Variants in DGKB observed in about 807,000 individuals in gnomAD.
The protein encoded by DGKB is 90 kDa diacylglycerol kinase.
DGKB carries 67 observed loss-of-function variants against 114.3 expected under a neutral mutation model. The observed-to-expected ratio is 0.59, with a 90% CI of 0.48 to 0.72. The LOEUF (loss-of-function observed/expected upper bound fraction) is 0.72. Among genes scored for constraint, DGKB ranks in the 30% least tolerant of loss-of-function variants. DGKB has a pLI of 0.00. For synonymous variants in DGKB, 398 were observed against 323.1 expected (o/e 1.23, Z -2.49); for missense variants, 907 against 975.2 (o/e 0.93, Z 0.93).
chr7:14,148,782 C>T lies in DGKB; in HGVS notation c.*349G>A, dbSNP rs78675159. On this transcript the variant is annotated 3_prime_UTR_variant, in exon 26 of 26. Transcript: ENST00000402815. ...GGAATCACACTGAGAATCACGTTTC[C>T]CATGGTATTTCCTTTTTCATGTTTC... 968 of 315,006 alleles carry T rather than the reference C, an allele frequency of 3.1e-3. 15 individuals are homozygous for T. The East Asian group carries it at 0.041, about 13-fold the overall frequency. The allele number at this position is 315,006 out of a possible 1,614,324, so 19.5% of individuals were successfully genotyped here.
At chr7:14,404,368 A>G (rs1031503695) in intron 21 of DGKB, among the ~76,000 whole-genome samples, 3 of 151,778 alleles carry the variant, frequency 2.0e-5, no homozygotes, top group African/African-American at 4.8e-5. Flanking sequence ...TGTTACATAC[A>G]CACCTTTCCA....
At chr7:14,261,083 CAT>C (rs1796704946) in intron 23 of DGKB, among the ~76,000 whole-genome samples, 1 of 151,838 alleles carries the variant, frequency 6.6e-6, no homozygotes, top group South Asian at 2.1e-4. Context: ...TATAAGAAAA[CAT>C]AAAAAAATTA....
chr7:14,216,684 A>T (rs911046126), intron 23 of DGKB, among the ~76,000 whole-genome samples: 1 of 147,774 alleles, frequency 6.8e-6, no homozygotes, highest in Non-Finnish European at 1.5e-5. Context: ...CGAGATTGAA[A>T]CATTACACTC....
chr7:14,237,988 T>A (rs17765485), intron 23 of DGKB, among the ~76,000 whole-genome samples: 3,714 of 152,182 alleles, frequency 0.024, 69 homozygotes, highest in Non-Finnish European at 0.032. Flanking sequence ...ATTTTTGTAT[T>A]AACACATTTT....
rs573483123 is a variant in DGKB, at chr7:14,296,986, C to A, written c.2122+41529G>T. Among the ~76,000 whole-genome samples, 10 of 152,136 alleles carry A rather than the reference C, an allele frequency of 6.6e-5. No individual in the cohort carries two copies. The East Asian group carries it at 1.5e-3, about 24-fold the overall frequency. On this transcript the variant is annotated intron_variant, in intron 23 of 25. Transcript: ENST00000402815. ...ATGGATAAATTCCTGGACACATACA[C>A]CCTCCCAAGACTAAACCAGGAAGAA...
chr7:14,734,364 C>T (rs771076789), intron 5 of DGKB, among the ~76,000 whole-genome samples: 1 of 152,094 alleles, frequency 6.6e-6, no homozygotes, highest in East Asian at 1.9e-4. Flanking sequence ...CTATATTCTA[C>T]TTTGTGATAC....
intron 21 of DGKB, among the ~76,000 whole-genome samples, chr7:14,455,262 G>A: frequency 6.6e-6 from 1 of 151,890 alleles, no homozygotes; most frequent in East Asian, 1.9e-4. Flanking sequence ...CATTCTGAAT[G>A]GAATTAAAAT....
In DGKB at chr7:14,457,299, A is replaced by T. The variant is rs145323156; in HGVS notation, c.1835+20862T>A. 4.2e-3 allele frequency among the ~76,000 whole-genome samples: 639 copies of T among 152,268 alleles called. 6 individuals carry two copies. The highest frequency in any genetic ancestry group is 5.5e-3 in the Non-Finnish European group (377 of 67,996). ...ACCTGCCATTAATTTCTGTACAATA[A>T]AGAGCTGGCACATGCTAAAACTGGT... On this transcript the variant is annotated intron_variant, in intron 21 of 25. Transcript: ENST00000402815.
At chr7:14,781,591 A>G (rs1839096651) in intron 2 of DGKB, among the ~76,000 whole-genome samples, 1 of 152,120 alleles carries the variant, frequency 6.6e-6, no homozygotes, top group African/African-American at 2.4e-5. Flanking sequence ...TGGGCTGTCA[A>G]TTAAGTCACA....
intron 23 of DGKB, among the ~76,000 whole-genome samples, chr7:14,242,221 C>T (rs769748337): frequency 1.3e-5 from 2 of 152,124 alleles, no homozygotes; most frequent in Non-Finnish European, 2.9e-5. Flanking sequence ...TCTTGATCTT[C>T]CAGTGTAGAC....
At chr7:14,758,658 T>C (rs1021613653) in intron 2 of DGKB, among the ~76,000 whole-genome samples, 1 of 152,160 alleles carries the variant, frequency 6.6e-6, no homozygotes, top group Non-Finnish European at 1.5e-5. Context: ...ATAATTCTTG[T>C]TGACCTTCCC....
intron 1 of DGKB, among the ~76,000 whole-genome samples, chr7:14,856,935 C>A (rs1245193292): frequency 6.6e-6 from 1 of 152,100 alleles, no homozygotes; most frequent in Admixed American, 6.6e-5. Context: ...CCATGAGTCA[C>A]CCCTAACCTC....
At chr7:14,255,087 A>G (rs1354642278) in intron 23 of DGKB, among the ~76,000 whole-genome samples, 2 of 152,204 alleles carry the variant, frequency 1.3e-5, no homozygotes, top group Non-Finnish European at 1.5e-5. Context: ...AAAAAGACAA[A>G]TGGGCACGAC....
Position 14,736,153 on chromosome 7 carries a change from G to C in DGKB, c.210C>G (p.Phe70Leu). ...FEGFKLFMKT[F>L]LEAELPDDFT... ...AATCATCAGGAAGCTCGGCTTCCAG[G>C]AATGTCTTCATGAATAGTTTGAAAC... The change falls in exon 5 of 26, where the codon TTC becomes TTG. Residue 70 changes from phenylalanine (F) to leucine (L), a missense_variant. Physicochemically the swap from Phe to Leu is conservative, Grantham distance 22. Coordinates refer to ENST00000402815, the MANE Select transcript of DGKB (RefSeq NM_001350709.2). 4 of 1,606,316 alleles carry C rather than the reference G, an allele frequency of 2.5e-6. No individual in the cohort carries two copies. Among genetic ancestry groups the C allele is most frequent in the Non-Finnish European group, 3.4e-6 (4 of 1,174,374 alleles).
upstream of DGKB, among the ~76,000 whole-genome samples, chr7:14,905,994 C>T (rs1290056278): frequency 6.6e-6 from 1 of 152,114 alleles, no homozygotes; most frequent in African/African-American, 2.4e-5. Context: ...ATATCTATCA[C>T]TCACAGGCTC....
intron 20 of DGKB, among the ~76,000 whole-genome samples, chr7:14,514,283 G>A (rs544835534): frequency 6.6e-6 from 1 of 152,122 alleles, no homozygotes; most frequent in East Asian, 1.9e-4. Flanking sequence ...ATAGACTGCT[G>A]TCTTCAAAAT....
At chr7:14,878,291 G>A (rs1285748752) in intron 1 of DGKB, among the ~76,000 whole-genome samples, 1 of 151,938 alleles carries the variant, frequency 6.6e-6, no homozygotes, top group Non-Finnish European at 1.5e-5. Flanking sequence ...TTTTACTGAC[G>A]GCTTTATCTT....
At chr7:14,569,270 G>A (rs981272901) in intron 20 of DGKB, among the ~76,000 whole-genome samples, 4 of 152,068 alleles carry the variant, frequency 2.6e-5, no homozygotes, top group Non-Finnish European at 5.9e-5. Context: ...TTATGCTCAG[G>A]TAAAGGAGGC....
At chr7:14,449,462 A>G (rs956903835) in intron 21 of DGKB, among the ~76,000 whole-genome samples, 5 of 151,948 alleles carry the variant, frequency 3.3e-5, no homozygotes, top group African/African-American at 4.8e-5. Context: ...GACATCACAC[A>G]TTCTTCCAAA....
Sources: allele counts gnomAD v4.1 joint callset (sites outside exome capture counted in the v4.1 genomes callset), GRCh38; gene constraint gnomAD v4.1.1; transcripts MANE v1.5; gene names NCBI Gene and HGNC (gene_info 2026-07-23, HGNC 2026-07-21).